The following FAM222B variants were observed in gnomAD, a reference collection of about 807,000 sequenced individuals.
FAM222B encodes family with sequence similarity 222 member B, also known as protein FAM222B.
Under a neutral mutation model 38.0 loss-of-function variants are expected in FAM222B, and 12 were observed. That is an observed-to-expected ratio of 0.32 (90% CI 0.20 to 0.51). FAM222B has a LOEUF of 0.51. Ranked by LOEUF, FAM222B falls within the 20% of genes least tolerant of loss-of-function variation. FAM222B has a pLI of 0.97. For synonymous variants in FAM222B, 329 were observed against 317.2 expected (o/e 1.04, Z -0.40); for missense variants, 716 against 754.2 (o/e 0.95, Z 0.59).
At chr17:28,799,255 G>C (rs2151895067) in intron 1 of FAM222B, among the ~76,000 whole-genome samples, 2 of 148,996 alleles carry the variant, frequency 1.3e-5, no homozygotes, top group South Asian at 4.2e-4. Flanking sequence ...TTACAGGTGT[G>C]AGCCACCGCG....
rs1365889789 is a variant in FAM222B, at chr17:28,766,572, T to G, written c.82+14A>C. ...AAAGAATCACACATGCTCCATAGGA[T>G]CCAGATTACTTACATTTCTGAAGTC... On this transcript the variant is annotated intron_variant, in intron 2 of 2. Transcript: ENST00000581407. The G allele has an allele frequency of 6.3e-7, 1 of 1,581,638 alleles. No homozygotes were observed. The highest frequency in any genetic ancestry group is 8.6e-7 in the Non-Finnish European group (1 of 1,162,844).
intron 1 of FAM222B, among the ~76,000 whole-genome samples, chr17:28,849,873 G>A (rs1180453853): frequency 1.3e-5 from 2 of 151,966 alleles, no homozygotes; most frequent in Non-Finnish European, 2.9e-5. Context: ...CCTGAGATTG[G>A]GAGTTCGAGA....
At chr17:28,810,546 A>C (rs986777787) in intron 1 of FAM222B, among the ~76,000 whole-genome samples, 18 of 152,018 alleles carry the variant, frequency 1.2e-4, no homozygotes, top group African/African-American at 3.6e-4. Flanking sequence ...ATACTAGCTA[A>C]CTGTAAAGGC....
chr17:28,842,414 C>A (rs2039076119), intron 1 of FAM222B, among the ~76,000 whole-genome samples: 1 of 152,116 alleles, frequency 6.6e-6, no homozygotes, highest in Non-Finnish European at 1.5e-5. Flanking sequence ...AAAGGAGAGG[C>A]GACCAAAAGC....
intron 1 of FAM222B, among the ~76,000 whole-genome samples, chr17:28,767,530 C>G (rs1255288473): frequency 6.6e-6 from 1 of 151,978 alleles, no homozygotes; most frequent in Non-Finnish European, 1.5e-5. Context: ...GGCTGGAGTG[C>G]AGTGGTACAA....
At chr17:28,773,807 A>AG (rs2035756283) in intron 1 of FAM222B, among the ~76,000 whole-genome samples, 1 of 152,124 alleles carries the variant, frequency 6.6e-6, no homozygotes, top group South Asian at 2.1e-4. Context: ...CAAAAAAAAA[A>AG]AAAGAATTCT....
intron 1 of FAM222B, among the ~76,000 whole-genome samples, chr17:28,840,403 C>G (rs1333243779): frequency 1.3e-5 from 2 of 152,046 alleles, no homozygotes; most frequent in African/African-American, 2.4e-5. Context: ...TTTTCTCTTT[C>G]CATAAACACA....
At chr17:28,834,396 C>T (rs990836748) in intron 1 of FAM222B, 1 of 152,224 alleles carries the variant, frequency 6.6e-6, no homozygotes, top group Admixed American at 6.6e-5. Context: ...TCTCACCTCA[C>T]TTTCTTCTAC....
chr17:28,838,306 C>T (rs1268487979), intron 1 of FAM222B, among the ~76,000 whole-genome samples: 1 of 149,494 alleles, frequency 6.7e-6, no homozygotes, highest in African/African-American at 2.5e-5. Flanking sequence ...ATAGGCCGGG[C>T]GCGGTGGCTC....
At chr17:28,798,081 G>A (rs2037028850) in intron 1 of FAM222B, among the ~76,000 whole-genome samples, 1 of 151,718 alleles carries the variant, frequency 6.6e-6, no homozygotes, top group Non-Finnish European at 1.5e-5. Flanking sequence ...AGTAATAAAC[G>A]CTACGAAAAA....
In FAM222B at chr17:28,756,369, G is replaced by C. The variant is rs558154812; in HGVS notation, c.*1901C>G. 1 of 152,732 alleles carries C rather than the reference G, an allele frequency of 6.5e-6. No individual in the cohort carries two copies. The highest frequency in any genetic ancestry group is 2.4e-5 in the African/African-American group (1 of 41,538). 9.5% of individuals were successfully genotyped at this position (152,732 alleles called of 1,614,324 possible). ...GGAAGAGATGGGTTTGAGGTTGTTT[G>C]ACTTAAAGCCCCCAAGTTGGTGTCT... is the stretch of plus-strand genomic sequence containing the variant. On this transcript the variant is annotated 3_prime_UTR_variant, in exon 3 of 3. Transcript: ENST00000581407.
intron 1 of FAM222B, among the ~76,000 whole-genome samples, chr17:28,820,665 GCT>G (rs2038180031): frequency 1.3e-5 from 2 of 149,702 alleles, no homozygotes; most frequent in Non-Finnish European, 3.0e-5. Flanking sequence ...GCGAAGTCTC[GCT>G]CTGTCACCCA....
At chr17:28,806,151 TAA>T (rs879586183) in intron 1 of FAM222B, among the ~76,000 whole-genome samples, 6 of 141,318 alleles carry the variant, frequency 4.2e-5, no homozygotes, top group Admixed American at 1.4e-4. Flanking sequence ...AAACTCCAAC[TAA>T]AAAAAAAAAA....
At chr17:28,779,843 G>C (rs1266738011) in intron 1 of FAM222B, among the ~76,000 whole-genome samples, 3 of 151,666 alleles carry the variant, frequency 2.0e-5, no homozygotes, top group Non-Finnish European at 4.4e-5. Flanking sequence ...TCAACAAATT[G>C]GGTATAAAAG....
upstream of FAM222B, among the ~76,000 whole-genome samples, chr17:28,846,703 C>T (rs1023929564): frequency 1.3e-5 from 2 of 152,062 alleles, no homozygotes; most frequent in Admixed American, 6.6e-5. Context: ...AGAAAATCCT[C>T]TATTAACCCC....
upstream of FAM222B, among the ~76,000 whole-genome samples, chr17:28,845,087 G>C (rs1005431279): frequency 6.6e-6 from 1 of 150,768 alleles, no homozygotes; most frequent in African/African-American, 2.4e-5. Flanking sequence ...GGATAACAGA[G>C]TGAGACTCCA....
chr17:28,784,319 T>C (rs1212056961), intron 1 of FAM222B, among the ~76,000 whole-genome samples: 3 of 150,782 alleles, frequency 2.0e-5, no homozygotes, highest in Non-Finnish European at 4.4e-5. Context: ...TTAAAAACTT[T>C]TAAAAAATTA....
chr17:28,809,969 G>C (rs1459266751), intron 1 of FAM222B, among the ~76,000 whole-genome samples: 2 of 152,004 alleles, frequency 1.3e-5, no homozygotes, highest in Non-Finnish European at 2.9e-5. Flanking sequence ...AGTTGAAATT[G>C]TACAGCCTCC....
chr17:28,788,185 G>C (rs762010241), intron 1 of FAM222B, among the ~76,000 whole-genome samples: 4 of 152,092 alleles, frequency 2.6e-5, no homozygotes, highest in Non-Finnish European at 5.9e-5. Flanking sequence ...ATGATCAGCA[G>C]AATTATTTGG....
Sources: gnomAD v4.1 joint callset for allele counts (sites outside exome capture counted in the v4.1 genomes callset) on GRCh38, gnomAD v4.1.1 for gene constraint, MANE v1.5 for transcripts, NCBI Gene and HGNC (gene_info 2026-07-23, HGNC 2026-07-21) for gene names.